ZNF335: variants seen among roughly 807,000 people sequenced by gnomAD.
ZNF335 encodes the protein zinc finger protein 335.
A neutral mutation model predicts 145.6 loss-of-function variants in ZNF335; 84 were observed. That is an observed-to-expected ratio of 0.58 (90% CI 0.48 to 0.69). The LOEUF (loss-of-function observed/expected upper bound fraction) is 0.69, where lower values mean the gene tolerates loss of function less well. Ranked by LOEUF, ZNF335 falls within the 30% of genes least tolerant of loss-of-function variation. ZNF335 has a pLI of 0.00. For missense variants in ZNF335, 1,865 were observed against 1,809.7 expected (o/e 1.03, Z -0.55); for synonymous variants, 761 against 717.0 (o/e 1.06, Z -0.98).
rs765461120 is a variant in ZNF335, at chr20:45,967,508, A to G, written c.941T>C (p.Ile314Thr). Residue 314 changes from isoleucine to threonine, a missense_variant, in exon 6 of 28, where the codon ATT becomes ACT. By Grantham distance (89) the Ile-to-Thr change is moderately conservative (BLOSUM62 -1). Coordinates refer to ENST00000322927, the MANE Select transcript of ZNF335 (RefSeq NM_022095.4). Reference sequence around the variant, plus strand: ...TGGTGGCCTACCCTCCAGGTCATCAATGGCTCCAGCGTCTACAATGTCATC... The same window carrying G: ...TGGTGGCCTACCCTCCAGGTCATCAGTGGCTCCAGCGTCTACAATGTCATC... ...DDDDIVDAGA[I>T]DDLEEDSDYN... 3.7e-6 allele frequency: 6 copies of G among 1,613,936 alleles called. No homozygotes were observed. Among genetic ancestry groups the G allele is most frequent in the African/African-American group, 1.3e-5 (1 of 74,896 alleles).
intron 17 of ZNF335, among the ~76,000 whole-genome samples, chr20:45,957,018 GAGGCTGGGAAACAGGA>G (rs2083741029): frequency 6.6e-6 from 1 of 152,108 alleles, no homozygotes; most frequent in African/African-American, 2.4e-5. Flanking sequence ...ATCTTCTCAT[GAGGCTGGGAAACAGGA>G]GGGGCTAATA....
intron 17 of ZNF335, among the ~76,000 whole-genome samples, chr20:45,955,327 G>A (rs920377263): frequency 4.0e-5 from 4 of 100,654 alleles, no homozygotes; most frequent in African/African-American, 1.5e-4. Context: ...CTCCAGCTTG[G>A]GCAACAGAGC....
intron 5 of ZNF335, 41 bp from the exon 6 acceptor site, chr20:45,967,675 G>T: frequency 6.2e-7 from 1 of 1,610,878 alleles, no homozygotes; most frequent in Non-Finnish European, 8.5e-7. Flanking sequence ...GCCATGTCTG[G>T]CTCCCAGCAC....
In ZNF335 at chr20:45,960,704, G is replaced by C. The variant is rs754027485; in HGVS notation, c.1694C>G (p.Pro565Arg). The stretch of plus-strand genomic sequence containing the variant: ...CATGGGGTACACACGGCCACACACA[G>C]GGCAGGGGAAAGAGCTCAGCTTTGG... ...PTPKLSSFPC[P>R]VCGRVYPMQK... The change falls in exon 12 of 28, where the codon CCT becomes CGT. Residue 565 changes from proline (P) to arginine (R), a missense_variant. Coordinates refer to ENST00000322927, the MANE Select transcript of ZNF335 (RefSeq NM_022095.4). 3 of 1,614,008 alleles carry C rather than the reference G, an allele frequency of 1.9e-6. No individual in the cohort carries two copies. The highest frequency in any genetic ancestry group is 1.3e-5 in the African/African-American group (1 of 74,910).
chr20:45,967,665 G>T (rs773142614), intron 5 of ZNF335, 31 bp from the exon 6 acceptor site: 2 of 1,611,948 alleles, frequency 1.2e-6, no homozygotes, highest in East Asian at 2.2e-5. Flanking sequence ...AGACAAGCTT[G>T]CCATGTCTGG....
rs1208649987 is a variant in ZNF335 at position 45,972,134 on chromosome 20, T to C, written c.-63A>G. ...ACCCGAAGCTCACCCGAGGCTTTCG[T>C]AGCCACGTTCCTCTCTGACTCCGGC... On this transcript the variant is annotated 5_prime_UTR_variant, in exon 1 of 28. Transcript: ENST00000322927. 8 of 1,289,346 alleles carry C rather than the reference T, an allele frequency of 6.2e-6. No individual in the cohort carries two copies. The South Asian group carries it at 9.9e-5, about 16-fold the overall frequency. 79.9% of individuals were successfully genotyped at this position (1,289,346 alleles called of 1,614,324 possible). A position where few individuals can be genotyped will look rare whatever the true frequency, so the allele number is the denominator to read the frequency against.
intron 16 of ZNF335, 76 bp downstream of exon 16, chr20:45,957,759 C>T (rs2083755803): frequency 6.2e-7 from 1 of 1,604,690 alleles, no homozygotes; most frequent in East Asian, 2.2e-5. Flanking sequence ...TCTTCCAGCC[C>T]CCACCAGCAC....
At chr20:45,963,104 C>T (rs2083879536) in intron 9 of ZNF335, among the ~76,000 whole-genome samples, 1 of 152,174 alleles carries the variant, frequency 6.6e-6, no homozygotes, top group African/African-American at 2.4e-5. Context: ...CAAGCCACTG[C>T]ACCTGGCCTA....
intron 9 of ZNF335, 58 bp downstream of exon 9, chr20:45,963,414 TG>T: frequency 6.4e-7 from 1 of 1,557,428 alleles, no homozygotes. Flanking sequence ...TGGCACCAGC[TG>T]GCCTCTGCTT....
chr20:45,958,757 T>C (rs985699230), intron 15 of ZNF335, among the ~76,000 whole-genome samples: 15 of 152,180 alleles, frequency 9.9e-5, no homozygotes, highest in Non-Finnish European at 2.1e-4. Context: ...GGTATCCTTT[T>C]TGCCTCTCCC....
chr20:45,954,599 C>A (rs4812979), intron 17 of ZNF335, among the ~76,000 whole-genome samples: 137,708 of 151,942 alleles, frequency 0.91, 62,802 homozygotes, highest in Non-Finnish European at 0.95. Context: ...GGGGATATTT[C>A]ACAACTCATA....
At chr20:45,955,178 A>T (rs2083704826) in intron 17 of ZNF335, among the ~76,000 whole-genome samples, 1 of 151,686 alleles carries the variant, frequency 6.6e-6, no homozygotes, top group Non-Finnish European at 1.5e-5. Context: ...GTGAAACCCC[A>T]TCTCTACTAA....
Position 45,965,748 on chromosome 20 carries a change from C to CCAG in ZNF335, c.981_982insCTG (p.Glu327_Asp328insLeu), listed in dbSNP as rs1568825586. On this transcript the variant is annotated inframe_insertion, in exon 7 of 28. Coordinates refer to ENST00000322927, the MANE Select transcript of ZNF335 (RefSeq NM_022095.4). Reference sequence around the variant, plus strand: ...CGAAGCTGCCGGCCTCGGGGCTCATCCTCAGCTGGATTATAGTCGCTATCC... The same window carrying CCAG: ...CGAAGCTGCCGGCCTCGGGGCTCATCCAGCTCAGCTGGATTATAGTCGCTATCC... 1 of 1,605,864 alleles carries CCAG rather than the reference C, an allele frequency of 6.2e-7. No individual in the cohort carries two copies. The highest frequency in any genetic ancestry group is 1.3e-5 in the African/African-American group (1 of 74,174).
chr20:45,949,966 C>T lies in ZNF335; in HGVS notation c.3591G>A (p.Gln1197=). 2.5e-6 allele frequency: 4 copies of T among 1,614,148 alleles called. No individual in the cohort carries two copies. Among genetic ancestry groups the T allele is most frequent in the Non-Finnish European group, 3.4e-6 (4 of 1,180,018 alleles). Reference sequence around the variant, plus strand: ...GAGGGCCCCCAGTCCTGACTCTTACCTGATTGGTCACTGTCTGTTCCTGGG... The same window carrying T: ...GAGGGCCCCCAGTCCTGACTCTTACTTGATTGGTCACTGTCTGTTCCTGGG... The part of the protein sequence containing the change: ...IVAQEQTVTN[Q]EEAAYIQEIT... Residue 1197 remains glutamine, a splice_region_variant and synonymous_variant, in exon 23 of 28, where the codon CAG becomes CAA. Coordinates refer to ENST00000322927, the MANE Select transcript of ZNF335 (RefSeq NM_022095.4).
chr20:45,971,144 C>G, intron 2 of ZNF335, 66 bp downstream of exon 2: 1 of 1,452,028 alleles, frequency 6.9e-7, no homozygotes, highest in Non-Finnish European at 9.0e-7. Flanking sequence ...CTTGTTTCCT[C>G]TTGGCTGTCA....
intron 6 of ZNF335, among the ~76,000 whole-genome samples, chr20:45,966,607 G>C (rs530602653): frequency 1.3e-5 from 2 of 149,792 alleles, no homozygotes; most frequent in African/African-American, 4.9e-5. Context: ...CTGGAGTACA[G>C]TGGCATGATC....
rs557833797 is a variant in ZNF335 at position 45,967,481 on chromosome 20, C to T, written c.955+13G>A. ...GCATAGGGATGGCAGGCCTAGAAAC[C>T]ATGGTGGCCTACCCTCCAGGTCATC... is the stretch of plus-strand genomic sequence containing the variant. On this transcript the variant is annotated intron_variant, in intron 6 of 27. Transcript: ENST00000322927. 6.8e-6 allele frequency: 11 copies of T among 1,614,086 alleles called. No individual in the cohort carries two copies. The African/African-American group carries it at 9.3e-5, about 14-fold the overall frequency.
At chr20:45,954,945 G>C (rs565154768) in intron 17 of ZNF335, among the ~76,000 whole-genome samples, 4 of 151,942 alleles carry the variant, frequency 2.6e-5, no homozygotes, top group African/African-American at 9.6e-5. Context: ...TTTTTTAAGA[G>C]ACAGGGTTTC....
intron 18 of ZNF335, among the ~76,000 whole-genome samples, chr20:45,952,993 A>C (rs2083662909): frequency 6.6e-6 from 1 of 152,212 alleles, no homozygotes; most frequent in South Asian, 2.1e-4. Context: ...GTCTAACCCA[A>C]CCAGTAGCAA....
Sources: allele counts gnomAD v4.1 joint callset (sites outside exome capture counted in the v4.1 genomes callset), GRCh38; gene constraint gnomAD v4.1.1; transcripts MANE v1.5; gene names NCBI Gene and HGNC (gene_info 2026-07-23, HGNC 2026-07-21).